Variants in PNPLA1 observed in about 807,000 individuals in gnomAD.
PNPLA1 encodes patatin like domain 1, omega-hydroxyceramide transacylase, also known as omega-hydroxyceramide transacylase.
PNPLA1 carries 36 observed loss-of-function variants against 51.7 expected under a neutral mutation model. The observed-to-expected ratio is 0.70, with a 90% CI of 0.53 to 0.92. PNPLA1 has a LOEUF of 0.92. PNPLA1 is among the 40% of genes least tolerant of loss of function. The pLI is 0.00. For missense variants in PNPLA1, 658 were observed against 682.5 expected (o/e 0.96, Z 0.40); for synonymous variants, 293 against 280.1 (o/e 1.05, Z -0.46).
At chr6:36,285,792 A>G (rs923041032) in intron 1 of PNPLA1, among the ~76,000 whole-genome samples, 1 of 152,128 alleles carries the variant, frequency 6.6e-6, no homozygotes, top group Admixed American at 6.5e-5. Flanking sequence ...CGCATGTACA[A>G]TTATCCCTTT....
At chr6:36,283,686 T>C (rs1770389345) in intron 1 of PNPLA1, among the ~76,000 whole-genome samples, 2 of 152,166 alleles carry the variant, frequency 1.3e-5, no homozygotes, top group Non-Finnish European at 2.9e-5. Context: ...ATGCCCTAGC[T>C]CAGAGTCTAG....
upstream of PNPLA1, among the ~76,000 whole-genome samples, chr6:36,267,135 C>T (rs1769778768): frequency 6.6e-6 from 1 of 152,176 alleles, no homozygotes. Context: ...GCAGTGTTAA[C>T]TTAGTTAAAA....
At chr6:36,277,484 T>C (rs9470242) in intron 1 of PNPLA1, among the ~76,000 whole-genome samples, 67,225 of 152,116 alleles carry the variant, frequency 0.44, 15,946 homozygotes, top group African/African-American at 0.62. Context: ...GGACAACCAG[T>C]AGTCTCTGTT....
chr6:36,291,592 C>CGGGGGGGG, intron 2 of PNPLA1, 40 bp downstream of exon 2: 2 of 105,202 alleles, frequency 1.9e-5, no homozygotes, highest in South Asian at 1.3e-4. Context: ...ACGGAGGGGG[C>CGGGGGGGG]GGGGGAGGGC....
chr6:36,302,149 C>A lies in PNPLA1; in HGVS notation c.1064C>A (p.Ala355Glu). ...GTCTCTCCACTTGAGCAGCCACCTGCACAGCCACTGGCCTCTTCAACTCCA... is the reference window on the plus strand; with the variant it reads ...GTCTCTCCACTTGAGCAGCCACCTGAACAGCCACTGGCCTCTTCAACTCCA... ...APVSPLEQPP[A>E]QPLASSTPLS... is the part of the protein sequence containing the mutation. Residue 355 changes from alanine to glutamate, a missense_variant, in exon 6 of 9, where the codon GCA becomes GAA. Ala to Glu is a moderately radical substitution (Grantham distance 107, BLOSUM62 -1). Transcript: ENST00000636260. 1 of 1,614,240 alleles carries A rather than the reference C, an allele frequency of 6.2e-7. No individual in the cohort carries two copies. The highest frequency in any genetic ancestry group is 1.6e-4 in the Middle Eastern group (1 of 6,062).
chr6:36,286,618 G>A (rs1770496331), intron 1 of PNPLA1, among the ~76,000 whole-genome samples: 1 of 152,056 alleles, frequency 6.6e-6, no homozygotes, highest in South Asian at 2.1e-4. Context: ...TCTCTGAGTG[G>A]CTGAAACTTG....
chr6:36,262,828 C>CTTT (rs1389275645), intron 1 of PNPLA1, among the ~76,000 whole-genome samples: 146 of 152,316 alleles, frequency 9.6e-4, no homozygotes, highest in Non-Finnish European at 1.2e-3. Context: ...CATTATGTGG[C>CTTT]TATACCATCA....
At chr6:36,258,639 G>T (rs1313928277) in intron 1 of PNPLA1, among the ~76,000 whole-genome samples, 1 of 152,140 alleles carries the variant, frequency 6.6e-6, no homozygotes, top group South Asian at 2.1e-4. Flanking sequence ...TCCCCAGCAG[G>T]TTTATTCTCT....
intron 1 of PNPLA1, among the ~76,000 whole-genome samples, chr6:36,288,910 G>A (rs1561863036): frequency 6.6e-6 from 1 of 152,110 alleles, no homozygotes; most frequent in Non-Finnish European, 1.5e-5. Context: ...TTGGGTGACA[G>A]AACAAAACTC....
chr6:36,248,155 C>T (rs188922061), intron 1 of PNPLA1, among the ~76,000 whole-genome samples: 162 of 151,978 alleles, frequency 1.1e-3, no homozygotes, highest in Admixed American at 9.4e-3. Flanking sequence ...TAATCCACAC[C>T]GAACACTCAG....
intron 5 of PNPLA1, among the ~76,000 whole-genome samples, chr6:36,301,110 C>T (rs1771028576): frequency 2.1e-5 from 2 of 93,764 alleles, no homozygotes; most frequent in Admixed American, 1.4e-4. Flanking sequence ...AACGCCATCC[C>T]CCCGCCCCCC....
chr6:36,277,205 C>T (rs1257971707), intron 1 of PNPLA1, among the ~76,000 whole-genome samples: 1 of 152,152 alleles, frequency 6.6e-6, no homozygotes, highest in Non-Finnish European at 1.5e-5. Context: ...AGTTGAAAGG[C>T]GTTGCCTTTC....
Position 36,294,427 on chromosome 6 carries a change from A to G in PNPLA1, c.714+28A>G. 6.2e-7 allele frequency: 1 copy of G among 1,600,656 alleles called. No homozygotes were observed. The highest frequency in any genetic ancestry group is 8.6e-7 in the Non-Finnish European group (1 of 1,169,124). On this transcript the variant is annotated intron_variant, in intron 4 of 8. Transcript: ENST00000636260. This position sits in a 1 kb window ranked among gnomAD's most constrained non-coding sequence, Gnocchi z 4.2. Reference sequence around the variant, plus strand: ...GAGAGGCAGGAGGGGTCTGGGGAGTAGCAGAAGGTACCAGGGACTAGGGGT... The same window carrying G: ...GAGAGGCAGGAGGGGTCTGGGGAGTGGCAGAAGGTACCAGGGACTAGGGGT...
intron 1 of PNPLA1, among the ~76,000 whole-genome samples, chr6:36,282,133 G>C (rs1405852774): frequency 6.8e-6 from 1 of 146,300 alleles, no homozygotes; most frequent in Non-Finnish European, 1.5e-5. Context: ...AGGAAGGAAG[G>C]AAGGAAAGAG....
At position 36,247,166 on chromosome 6, in the gene PNPLA1, G is replaced by A. The variant is rs576452744; in HGVS notation, c.-81+3905G>A. Among the ~76,000 whole-genome samples the A allele has an allele frequency of 3.9e-5, 6 of 152,254 alleles. No individual in the cohort carries two copies. In the East Asian group the frequency reaches 1.2e-3, roughly 29 times the overall value. ...GGTCAAGCTTGAGCCCTCCAGAGAA[G>A]CCACTGTCAAACCTCTTTCCGGCTC... On this transcript the variant is annotated intron_variant, in intron 1 of 7. Coordinates refer to the PNPLA1 transcript ENST00000312917.
At position 36,276,790 on chromosome 6, in the gene PNPLA1, C is replaced by A. The variant is rs1376047331; in HGVS notation, c.205+6126C>A. ...CCTTCCTTCCTTCCTTCCTTCCTTGCTTCCTTCCGTGTTAGTTGAGCACAT... is the reference window on the plus strand; with the variant it reads ...CCTTCCTTCCTTCCTTCCTTCCTTGATTCCTTCCGTGTTAGTTGAGCACAT... On this transcript the variant is annotated intron_variant, in intron 1 of 8. Coordinates refer to ENST00000636260, the MANE Select transcript of PNPLA1 (RefSeq NM_001374623.1). 2.0e-5 allele frequency among the ~76,000 whole-genome samples: 3 copies of A among 151,834 alleles called. No homozygotes were observed. The East Asian group carries it at 5.8e-4, about 29-fold the overall frequency.
At chr6:36,282,139 AAG>A (rs1205204874) in intron 1 of PNPLA1, among the ~76,000 whole-genome samples, 7 of 146,408 alleles carry the variant, frequency 4.8e-5, no homozygotes, top group African/African-American at 1.0e-4. Context: ...GAAGGAAGGA[AAG>A]AGAGACAGAG....
intron 1 of PNPLA1, among the ~76,000 whole-genome samples, chr6:36,249,718 C>T (rs753560873): frequency 2.0e-4 from 30 of 152,312 alleles, no homozygotes; most frequent in Admixed American, 1.2e-3. Context: ...GGGCTCTGGA[C>T]TCAGACCATG....
intron 1 of PNPLA1, among the ~76,000 whole-genome samples, chr6:36,256,681 C>T (rs1236475500): frequency 1.3e-5 from 2 of 152,086 alleles, no homozygotes; most frequent in African/African-American, 4.8e-5. Flanking sequence ...CTCTTGACCT[C>T]GTGATCCACC....
Sources: gnomAD v4.1 joint callset for allele counts (sites outside exome capture counted in the v4.1 genomes callset) on GRCh38, gnomAD v4.1.1 for gene constraint, Gnocchi (gnomAD v3.1) non-coding constraint, MANE v1.5 for transcripts, NCBI Gene and HGNC (gene_info 2026-07-23, HGNC 2026-07-21) for gene names.